Variants in ERC2 observed in about 807,000 individuals in gnomAD.
ERC2 encodes the protein ERC protein 2.
A neutral mutation model predicts 114.8 loss-of-function variants in ERC2; 42 were observed. The observed-to-expected ratio is 0.37, with a 90% CI of 0.29 to 0.47. The LOEUF (loss-of-function observed/expected upper bound fraction) is 0.47, where lower values mean the gene tolerates loss of function less well. Among genes scored for constraint, ERC2 ranks in the 20% least tolerant of loss-of-function variants. The pLI is 0.99. For missense variants in ERC2, 939 were observed against 1,150.7 expected, an observed-to-expected ratio of 0.82 and a Z score of 2.66; for synonymous variants, 454 against 425.5, an observed-to-expected ratio of 1.07 and a Z score of -0.82.
In ERC2 at chr3:55,699,121, A is replaced by G. The variant is rs531458948; in HGVS notation, c.2847+257T>C. ...TGAGATACCGAGCCAGCAATAGACT[A>G]CATATCTATGAAAGAAGAAAGGAGG... On this transcript the variant is annotated intron_variant, in intron 16 of 17. Coordinates refer to ENST00000288221, the MANE Select transcript of ERC2 (RefSeq NM_015576.3). Among the ~76,000 whole-genome samples the G allele has an allele frequency of 1.4e-4, 21 of 152,324 alleles. 1 individual carries two copies. The South Asian group carries it at 3.9e-3, about 29-fold the overall frequency.
chr3:56,126,234 C>A (rs1197094535), intron 6 of ERC2, among the ~76,000 whole-genome samples: 2 of 152,048 alleles, frequency 1.3e-5, no homozygotes, highest in Admixed American at 6.6e-5. Flanking sequence ...AAAATGGCAA[C>A]AAAAATTTTA....
chr3:56,063,881 A>G (rs2076351597), intron 7 of ERC2, among the ~76,000 whole-genome samples: 1 of 152,220 alleles, frequency 6.6e-6, no homozygotes, highest in African/African-American at 2.4e-5. Context: ...TTAACAAAAT[A>G]GAGTGAATAT....
At chr3:56,206,594 T>C (rs1327202090) in intron 3 of ERC2, among the ~76,000 whole-genome samples, 2 of 152,214 alleles carry the variant, frequency 1.3e-5, no homozygotes, top group African/African-American at 4.8e-5. Flanking sequence ...GAGTACTCTG[T>C]GTGTATAAAT....
At chr3:56,434,240 T>C (rs1238691706) in intron 2 of ERC2, 111 bp downstream of exon 2, 1 of 940,992 alleles carries the variant, frequency 1.1e-6, no homozygotes, top group African/African-American at 1.6e-5. Flanking sequence ...AGCCATAACC[T>C]TCTTGATGAT....
At chr3:55,702,651 A>C (rs559097925) in intron 15 of ERC2, among the ~76,000 whole-genome samples, 3 of 152,268 alleles carry the variant, frequency 2.0e-5, no homozygotes, top group Admixed American at 1.3e-4. Context: ...ACTCCCTAAC[A>C]GTCAATGAAA....
chr3:56,227,740 A>G (rs1248754413), intron 3 of ERC2, among the ~76,000 whole-genome samples: 2 of 152,260 alleles, frequency 1.3e-5, no homozygotes, highest in Non-Finnish European at 2.9e-5. Context: ...AAAACGATTT[A>G]GCAGTATCTA....
intron 17 of ERC2, among the ~76,000 whole-genome samples, chr3:55,673,475 C>T (rs1237703752): frequency 6.6e-5 from 10 of 152,084 alleles, no homozygotes; most frequent in South Asian, 2.1e-4. Context: ...CCCAGCTACT[C>T]GGGAGGCTGA....
intron 3 of ERC2, among the ~76,000 whole-genome samples, chr3:56,270,310 A>G (rs2053578862): frequency 6.6e-6 from 1 of 152,216 alleles, no homozygotes. Flanking sequence ...AATTTTCCCA[A>G]GAGAGTAGAT....
intron 7 of ERC2, among the ~76,000 whole-genome samples, chr3:56,064,319 C>G (rs754860954): frequency 6.6e-6 from 1 of 152,220 alleles, no homozygotes; most frequent in African/African-American, 2.4e-5. Flanking sequence ...CTTGTCCATG[C>G]CCTCAGCTGT....
intron 15 of ERC2, among the ~76,000 whole-genome samples, chr3:55,719,069 T>G (rs1225923754): frequency 6.6e-6 from 1 of 152,186 alleles, no homozygotes; most frequent in African/African-American, 2.4e-5. Context: ...GAAGAACTGA[T>G]TCAACATGCC....
At chr3:56,358,943 G>A (rs1360745499) in intron 2 of ERC2, among the ~76,000 whole-genome samples, 1 of 152,224 alleles carries the variant, frequency 6.6e-6, no homozygotes, top group Admixed American at 6.5e-5. Flanking sequence ...AATTCTGGAA[G>A]AAGAGCTGAA....
chr3:55,799,435 C>G (rs1442624180), intron 14 of ERC2, among the ~76,000 whole-genome samples: 1 of 71,316 alleles, frequency 1.4e-5, no homozygotes, highest in Non-Finnish European at 2.6e-5. Flanking sequence ...TATATATATG[C>G]CTTATATATA....
At position 55,572,009 on chromosome 3, in the gene ERC2, C is replaced by G. The variant is rs190440792; in HGVS notation, c.*40-60733G>C. Among the ~76,000 whole-genome samples, 32 of 152,330 alleles carry G rather than the reference C, an allele frequency of 2.1e-4. No individual in the cohort carries two copies. The East Asian group carries it at 6.2e-3, about 29-fold the overall frequency. ...GAAATTCAGGTGTTCCCTCTAGACC[C>G]AGGGAGTGCAGTTCTTCCTGCCACC... On this transcript the variant is annotated intron_variant, in intron 17 of 17. Coordinates refer to ENST00000288221, the MANE Select transcript of ERC2 (RefSeq NM_015576.3).
chr3:55,553,128 G>T (rs1175768001), intron 17 of ERC2, among the ~76,000 whole-genome samples: 1 of 140,620 alleles, frequency 7.1e-6, no homozygotes, highest in Non-Finnish European at 1.5e-5. Context: ...TTCAAGTGAT[G>T]CTCCTGCCTC....
intron 17 of ERC2, among the ~76,000 whole-genome samples, chr3:55,583,786 C>CGA (rs931115363): frequency 5.9e-5 from 9 of 151,534 alleles, no homozygotes; most frequent in African/African-American, 2.2e-4. Context: ...CCCAAGTATC[C>CGA]GAGAGCTCAC....
At chr3:56,279,584 T>C (rs2054216983) in intron 3 of ERC2, among the ~76,000 whole-genome samples, 1 of 152,000 alleles carries the variant, frequency 6.6e-6, no homozygotes, top group Non-Finnish European at 1.5e-5. Context: ...GAGAGGCAAG[T>C]GAGAAAGGAA....
chr3:55,950,599 T>C, intron 12 of ERC2, 39 bp from the exon 13 acceptor site: 2 of 1,611,138 alleles, frequency 1.2e-6, no homozygotes, highest in African/African-American at 1.3e-5. Context: ...ATTCTACCAC[T>C]GGAAGATCAT....
chr3:55,634,557 G>A (rs929416176), intron 17 of ERC2, among the ~76,000 whole-genome samples: 6 of 152,070 alleles, frequency 3.9e-5, no homozygotes, highest in African/African-American at 9.7e-5. Context: ...AAATGTCTAC[G>A]GGGGAAGCCT....
At chr3:56,235,263 G>A (rs927336691) in intron 3 of ERC2, among the ~76,000 whole-genome samples, 9 of 152,180 alleles carry the variant, frequency 5.9e-5, no homozygotes, top group African/African-American at 2.2e-4. Flanking sequence ...AAACAAGATA[G>A]GTATGGCCCC....
Sources: gnomAD v4.1 joint callset for allele counts (sites outside exome capture counted in the v4.1 genomes callset) on GRCh38, gnomAD v4.1.1 for gene constraint, MANE v1.5 for transcripts, NCBI Gene and HGNC (gene_info 2026-07-23, HGNC 2026-07-21) for gene names.